CLNK: variants seen among roughly 807,000 people sequenced by gnomAD.
The protein encoded by CLNK is cytokine-dependent hematopoietic cell linker.
CLNK carries 74 observed loss-of-function variants against 68.6 expected under a neutral mutation model. That is an observed-to-expected ratio of 1.08 (90% CI 0.89 to 1.31). CLNK has a LOEUF of 1.31. Among genes scored for constraint, CLNK ranks in the 50% most tolerant of loss-of-function variants. CLNK has a pLI of 0.00. For synonymous variants in CLNK, 198 were observed against 172.2 expected (o/e 1.15, Z -1.17); for missense variants, 553 against 515.3 (o/e 1.07, Z -0.71).
chr4:10,696,230 C>A, the CLNK span, among the ~76,000 whole-genome samples: 1 of 152,096 alleles, frequency 6.6e-6, no homozygotes, highest in Admixed American at 6.5e-5. Context: ...GTCTCGTGTG[C>A]CACCACAGGT....
intron 2 of CLNK, among the ~76,000 whole-genome samples, chr4:10,601,345 T>G (rs561029349): frequency 2.0e-5 from 3 of 152,274 alleles, no homozygotes; most frequent in South Asian, 4.2e-4. Flanking sequence ...AGGTGTTCTT[T>G]CTACAGTGGA....
the CLNK span, among the ~76,000 whole-genome samples, chr4:10,690,501 C>A: frequency 0.011 from 1,749 of 152,220 alleles, 24 homozygotes; most frequent in South Asian, 0.036. Context: ...TTACCTCTCC[C>A]AATTCTTCTT....
At chr4:10,519,482 A>G (rs549862131) in intron 15 of CLNK, among the ~76,000 whole-genome samples, 62 of 152,254 alleles carry the variant, frequency 4.1e-4, no homozygotes, top group Non-Finnish European at 7.8e-4. Flanking sequence ...ATCCACCCAG[A>G]TCTGACCTTT....
chr4:10,728,627 G>A, the CLNK span, among the ~76,000 whole-genome samples: 11 of 135,110 alleles, frequency 8.1e-5, no homozygotes, highest in South Asian at 2.3e-4. Context: ...TTTTTGAAAC[G>A]GAGTCTCCAT....
At chr4:10,501,913 C>A (rs1019787304) in intron 17 of CLNK, among the ~76,000 whole-genome samples, 1 of 152,180 alleles carries the variant, frequency 6.6e-6, no homozygotes, top group Non-Finnish European at 1.5e-5. Flanking sequence ...GGCAACAGAG[C>A]AGGACTCTGG....
At chr4:10,545,415 C>T (rs113881710) in intron 8 of CLNK, among the ~76,000 whole-genome samples, 270 of 152,228 alleles carry the variant, frequency 1.8e-3, no homozygotes, top group African/African-American at 6.0e-3. Flanking sequence ...TTTGATTCCA[C>T]GTCTGGCATT....
Position 10,667,889 on chromosome 4 carries a change from G to A in CLNK, c.-20C>T. ...GTTCATAGTTCTTGGCACCTGGCGG[G>A]TAAGAGGGATCTTCAATTCAGCCTG... is the stretch of plus-strand genomic sequence containing the variant. On this transcript the variant is annotated 5_prime_UTR_variant, in exon 2 of 19. Coordinates refer to ENST00000226951, the MANE Select transcript of CLNK (RefSeq NM_052964.4). 1 of 1,356,410 alleles carries A rather than the reference G, an allele frequency of 7.4e-7. No individual in the cohort carries two copies. Among genetic ancestry groups the A allele is most frequent in the Non-Finnish European group, 9.6e-7 (1 of 1,042,006 alleles). 84.0% of individuals were successfully genotyped at this position (1,356,410 alleles called of 1,614,324 possible).
At chr4:10,507,359 G>A (rs140844284) in intron 17 of CLNK, among the ~76,000 whole-genome samples, 11 of 151,946 alleles carry the variant, frequency 7.2e-5, no homozygotes, top group African/African-American at 2.7e-4. Context: ...TGATCCACCC[G>A]CCTCATCCTG....
intron 18 of CLNK, 108 bp downstream of exon 18, chr4:10,501,148 C>T: frequency 8.8e-7 from 1 of 1,141,562 alleles, no homozygotes; most frequent in African/African-American, 1.6e-5. Flanking sequence ...CAGACTGCAT[C>T]CCTCTCCTTC....
chr4:10,511,131 C>T (rs1717564157), intron 16 of CLNK, among the ~76,000 whole-genome samples: 1 of 151,810 alleles, frequency 6.6e-6, no homozygotes. Context: ...GCACTCCAGC[C>T]TGGGCAAAAA....
At chr4:10,643,604 G>T (rs1723399698) in intron 2 of CLNK, among the ~76,000 whole-genome samples, 1 of 152,242 alleles carries the variant, frequency 6.6e-6, no homozygotes, top group African/African-American at 2.4e-5. Context: ...CAGAGGATTG[G>T]TACAGGGTGG....
intron 2 of CLNK, among the ~76,000 whole-genome samples, chr4:10,659,288 C>A (rs1217282079): frequency 6.6e-6 from 1 of 152,222 alleles, no homozygotes; most frequent in Non-Finnish European, 1.5e-5. Context: ...TTGGCTACAG[C>A]GCCTATGGCA....
intron 11 of CLNK, among the ~76,000 whole-genome samples, chr4:10,537,706 C>CTTCCTTTCTTTCTTTCTTT (rs1553848182): frequency 7.5e-5 from 1 of 13,376 alleles, no homozygotes; most frequent in African/African-American, 2.7e-4. Flanking sequence ...TTCCTTCCTT[C>CTTCCTTTCTTTCTTTCTTT]CTTTCTTTCT....
Position 10,566,126 on chromosome 4 carries a change from C to T in CLNK, c.175G>A (p.Asp59Asn). 1 of 1,613,810 alleles carries T rather than the reference C, an allele frequency of 6.2e-7. No homozygotes were observed. Among genetic ancestry groups the T allele is most frequent in the Non-Finnish European group, 8.5e-7 (1 of 1,179,766 alleles). Residue 59 changes from aspartate to asparagine, a missense_variant, in exon 6 of 19, where the codon GAT becomes AAT. Transcript: ENST00000226951. ...TCATCACTGTGGCCTTTTGCTCCAT[C>T]CAGGACTGCAGCAAAGTTTCTTTCC... ...DWERNFAAVL[D>N]GAKGHSDDDY...
intron 18 of CLNK, among the ~76,000 whole-genome samples, chr4:10,498,325 TAA>T (rs1046968100): frequency 2.0e-5 from 3 of 151,266 alleles, no homozygotes; most frequent in Non-Finnish European, 4.4e-5. Flanking sequence ...CCGTCTCTAC[TAA>T]AAAAATACAA....
intron 2 of CLNK, 57 bp from the exon 3 acceptor site, chr4:10,598,106 T>C: frequency 8.5e-7 from 1 of 1,175,432 alleles, no homozygotes; most frequent in South Asian, 1.4e-5. Context: ...AGGGGAAAAA[T>C]TAATTAAGTG....
At chr4:10,724,104 T>G in the CLNK span, among the ~76,000 whole-genome samples, 64,028 of 151,946 alleles carry the variant, frequency 0.42, 14,495 homozygotes, top group East Asian at 0.58. Flanking sequence ...GTCCTTATTA[T>G]TGGACTAAAG....
intron 18 of CLNK, 41 bp downstream of exon 18, chr4:10,501,215 G>C: frequency 6.6e-7 from 1 of 1,512,716 alleles, no homozygotes; most frequent in Non-Finnish European, 8.8e-7. Context: ...TTTATTTGTT[G>C]CGCTTAGCCT....
At chr4:10,676,337 T>C (rs1724871562) in intron 1 of CLNK, among the ~76,000 whole-genome samples, 2 of 151,992 alleles carry the variant, frequency 1.3e-5, no homozygotes, top group Non-Finnish European at 2.9e-5. Flanking sequence ...TTTAATTTTA[T>C]TGGATTTCCA....
Sources: allele counts gnomAD v4.1 joint callset (sites outside exome capture counted in the v4.1 genomes callset), GRCh38; gene constraint gnomAD v4.1.1; transcripts MANE v1.5; gene names NCBI Gene and HGNC (gene_info 2026-07-23, HGNC 2026-07-21).